SNTA1: variants seen among roughly 807,000 people sequenced by gnomAD.
SNTA1 encodes the protein alpha-1-syntrophin.
In SNTA1, 31 loss-of-function variants were observed where a neutral mutation model predicts 47.1. The observed-to-expected ratio is 0.66, with a 90% CI of 0.49 to 0.89. The LOEUF (loss-of-function observed/expected upper bound fraction) is 0.89. Among genes scored for constraint, SNTA1 ranks in the 40% least tolerant of loss-of-function variants. The probability of loss-of-function intolerance (pLI) is 0.00; values close to 1 mark genes in which losing one functional copy is unlikely to be tolerated. For synonymous variants in SNTA1, 300 were observed against 313.6 expected, an observed-to-expected ratio of 0.96 and a Z score of 0.46; for missense variants, 575 against 693.0, an observed-to-expected ratio of 0.83 and a Z score of 1.91.
chr20:33,414,207 C>T (rs531739275), intron 3 of SNTA1, among the ~76,000 whole-genome samples: 1 of 134,472 alleles, frequency 7.4e-6, no homozygotes, highest in East Asian at 2.2e-4. Context: ...CATTGCACTC[C>T]AGCCTGGGCA....
rs1215451345 is a variant in SNTA1, at chr20:33,439,015, T to A, written c.322A>T (p.Asn108Tyr). The change falls in exon 2 of 8, where the codon AAC becomes TAC. Residue 108 changes from asparagine (N) to tyrosine (Y), a missense_variant. Asn to Tyr is a moderately radical substitution (Grantham distance 143). Coordinates refer to ENST00000217381, the MANE Select transcript of SNTA1 (RefSeq NM_003098.3). ...LGISIKGGRENKMPILISKIF... is the reference protein window; with the variant it reads ...LGISIKGGREYKMPILISKIF... Reference sequence around the variant, plus strand: ...TTGGAAATGAGAATAGGCATCTTGTTCTCCCGGCCGCCTGCACAGGTACAG... The same window carrying A: ...TTGGAAATGAGAATAGGCATCTTGTACTCCCGGCCGCCTGCACAGGTACAG... 1 of 1,614,050 alleles carries A rather than the reference T, an allele frequency of 6.2e-7. No homozygotes were observed. Among genetic ancestry groups the A allele is most frequent in the African/African-American group, 1.3e-5 (1 of 75,004 alleles).
intron 2 of SNTA1, among the ~76,000 whole-genome samples, chr20:33,434,165 G>A (rs1364449629): frequency 6.6e-6 from 1 of 152,110 alleles, no homozygotes; most frequent in Non-Finnish European, 1.5e-5. Context: ...CCCAGAGAGG[G>A]TCCCAGGAAC....
rs544567559 is a variant in SNTA1, at chr20:33,443,710, G to A, written c.-90C>T. 2 of 860,842 alleles carry A rather than the reference G, an allele frequency of 2.3e-6. No homozygotes were observed. The highest frequency in any genetic ancestry group is 1.8e-5 in the African/African-American group (1 of 55,470). 53.3% of individuals were successfully genotyped at this position (860,842 alleles called of 1,614,324 possible). On this transcript the variant is annotated 5_prime_UTR_variant, in exon 1 of 8. Transcript: ENST00000217381. ...CAAGCGCCCAGGGCAGAGGGCAGCG[G>A]GGGCCCGGCTGGGCCAGCCGCCACC...
chr20:33,421,098 A>G lies in SNTA1; in HGVS notation c.497-3175T>C, dbSNP rs1990007584. Among the ~76,000 whole-genome samples the G allele has an allele frequency of 4.6e-5, 7 of 151,490 alleles. No individual in the cohort carries two copies. In the South Asian group the frequency reaches 1.2e-3, roughly 27 times the overall value. ...TGAGGCAGGAGGATCGCTTGAACCC[A>G]GCAAGCAGAGGCTGCAGCAAGCCAT... On this transcript the variant is annotated intron_variant, in intron 2 of 7. Coordinates refer to ENST00000217381, the MANE Select transcript of SNTA1 (RefSeq NM_003098.3).
At chr20:33,424,132 T>G (rs1046358702) in intron 2 of SNTA1, among the ~76,000 whole-genome samples, 1 of 151,764 alleles carries the variant, frequency 6.6e-6, no homozygotes, top group Non-Finnish European at 1.5e-5. Context: ...CTGACCAACA[T>G]GGTGAAACCC....
chr20:33,442,680 C>T (rs1266870292), intron 1 of SNTA1, among the ~76,000 whole-genome samples: 1 of 152,102 alleles, frequency 6.6e-6, no homozygotes, highest in Non-Finnish European at 1.5e-5. Context: ...CCTAACTGCA[C>T]CCCACTAGCG....
At chr20:33,426,192 T>TA (rs1199400958) in intron 2 of SNTA1, among the ~76,000 whole-genome samples, 1 of 151,904 alleles carries the variant, frequency 6.6e-6, no homozygotes, top group Admixed American at 6.6e-5. Flanking sequence ...CTCACGCCTG[T>TA]AATCCCAGCA....
At chr20:33,438,750 T>C (rs1990503701) in intron 2 of SNTA1, 91 bp downstream of exon 2, 8 of 1,107,586 alleles carry the variant, frequency 7.2e-6, no homozygotes, top group Middle Eastern at 5.7e-4. Flanking sequence ...CCCCCAGTGC[T>C]GGGATGGGGC....
rs566362896 is a variant in SNTA1, at chr20:33,437,832, G to A, written c.496+1009C>T. On this transcript the variant is annotated intron_variant, in intron 2 of 7. Coordinates refer to ENST00000217381, the MANE Select transcript of SNTA1 (RefSeq NM_003098.3). ...AGAGACATGGCACAAGATGGTCATG[G>A]GACAACCTCAGCAGGAGGCGTGTAA... Among the ~76,000 whole-genome samples the A allele has an allele frequency of 5.9e-5, 9 of 152,370 alleles. No homozygotes were observed. The South Asian group carries it at 1.9e-3, about 32-fold the overall frequency.
At chr20:33,427,183 T>C (rs1990189426) in intron 2 of SNTA1, among the ~76,000 whole-genome samples, 1 of 152,120 alleles carries the variant, frequency 6.6e-6, no homozygotes, top group Non-Finnish European at 1.5e-5. Context: ...AGTGTGGTTA[T>C]GATTTCTGCT....
In SNTA1 at chr20:33,408,279, G is replaced by A; in HGVS notation, c.*228C>T. On this transcript the variant is annotated 3_prime_UTR_variant, in exon 8 of 8. Transcript: ENST00000217381. ...TATCTCTCTGCAAAAGGCACTGGTGGAGGGGGGCAGCAGGAAGGCCACCCC... is the reference window on the plus strand; with the variant it reads ...TATCTCTCTGCAAAAGGCACTGGTGAAGGGGGGCAGCAGGAAGGCCACCCC... 2 of 588,292 alleles carry A rather than the reference G, an allele frequency of 3.4e-6. No homozygotes were observed. Among genetic ancestry groups the A allele is most frequent in the Admixed American group, 5.5e-5 (2 of 36,116 alleles). The allele number at this position is 588,292 out of a possible 1,614,324, so 36.4% of individuals were successfully genotyped here.
intron 2 of SNTA1, among the ~76,000 whole-genome samples, chr20:33,431,434 C>T (rs1990305060): frequency 6.6e-6 from 1 of 151,920 alleles, no homozygotes; most frequent in Non-Finnish European, 1.5e-5. Flanking sequence ...ACAGGGATGA[C>T]ATTGAGGATT....
At position 33,441,132 on chromosome 20, in the gene SNTA1, T is replaced by G. The variant is rs184801437; in HGVS notation, c.311-2106A>C. On this transcript the variant is annotated intron_variant, in intron 1 of 7. Coordinates refer to ENST00000217381, the MANE Select transcript of SNTA1 (RefSeq NM_003098.3). ...GTTGCACTTACCAAATGCCAAGCAC[T>G]GTGCTAAATGCTTTCAATGTTGATT... 3.9e-5 allele frequency among the ~76,000 whole-genome samples: 6 copies of G among 152,346 alleles called. No individual in the cohort carries two copies. In the East Asian group the frequency reaches 1.2e-3, roughly 29 times the overall value.
chr20:33,436,708 A>G (rs1461019210), intron 2 of SNTA1, among the ~76,000 whole-genome samples: 2 of 152,068 alleles, frequency 1.3e-5, no homozygotes, highest in East Asian at 3.9e-4. Context: ...CACGCCTGTA[A>G]TCCCAGCACT....
chr20:33,420,334 G>C (rs887532767), intron 2 of SNTA1, among the ~76,000 whole-genome samples: 3 of 152,062 alleles, frequency 2.0e-5, no homozygotes, highest in Non-Finnish European at 4.4e-5. Flanking sequence ...ATCTTCCCTG[G>C]AGCCATGCTG....
intron 2 of SNTA1, among the ~76,000 whole-genome samples, chr20:33,425,950 C>A (rs1207940372): frequency 2.0e-5 from 3 of 149,810 alleles, no homozygotes; most frequent in Non-Finnish European, 4.4e-5. Flanking sequence ...GTGGTACATG[C>A]CTATAATCCC....
At chr20:33,414,839 G>A (rs1217684514) in intron 3 of SNTA1, among the ~76,000 whole-genome samples, 1 of 152,180 alleles carries the variant, frequency 6.6e-6, no homozygotes, top group African/African-American at 2.4e-5. Context: ...GCATCCTTGA[G>A]CATCTACAGC....
rs189598802 is a variant in SNTA1 at position 33,420,071 on chromosome 20, G to A, written c.497-2148C>T. On this transcript the variant is annotated intron_variant, in intron 2 of 7. Coordinates refer to ENST00000217381, the MANE Select transcript of SNTA1 (RefSeq NM_003098.3). ...CCCAAGTAGCTGGGATTACAGGTGC[G>A]TACCACCACACCCAGCTAATTTTTG... 7.4e-3 allele frequency among the ~76,000 whole-genome samples: 1,132 copies of A among 152,014 alleles called. 10 individuals carry two copies. Among genetic ancestry groups the A allele is most frequent in the African/African-American group, 0.026 (1,066 of 41,464 alleles).
intron 1 of SNTA1, 87 bp downstream of exon 1, chr20:33,443,224 T>C: frequency 9.2e-7 from 1 of 1,090,900 alleles, no homozygotes; most frequent in East Asian, 3.4e-5. Flanking sequence ...AGCCTCCAGC[T>C]CCATGTCCTG....
Sources: allele counts gnomAD v4.1 joint callset (sites outside exome capture counted in the v4.1 genomes callset), GRCh38; gene constraint gnomAD v4.1.1; transcripts MANE v1.5; gene names NCBI Gene and HGNC (gene_info 2026-07-23, HGNC 2026-07-21).